Variants in GRID1 observed in about 807,000 individuals in gnomAD.
The protein encoded by GRID1 is glutamate receptor ionotropic, delta-1.
A neutral mutation model predicts 98.0 loss-of-function variants in GRID1; 28 were observed. The observed-to-expected ratio is 0.29, with a 90% CI of 0.21 to 0.39. The LOEUF is 0.39. Among genes scored for constraint, GRID1 ranks in the 10% least tolerant of loss-of-function variants. GRID1 has a pLI of 1.00. For synonymous variants in GRID1, 553 were observed against 538.5 expected, an observed-to-expected ratio of 1.03 and a Z score of -0.37; for missense variants, 1,111 against 1,340.5, an observed-to-expected ratio of 0.83 and a Z score of 2.67.
chr10:86,079,612 G>A (rs778373697), intron 4 of GRID1, among the ~76,000 whole-genome samples: 3 of 152,146 alleles, frequency 2.0e-5, no homozygotes, highest in Admixed American at 6.5e-5. Context: ...ACAGACACCC[G>A]GCTCCAAATC....
intron 8 of GRID1, among the ~76,000 whole-genome samples, chr10:85,789,819 T>C (rs1842462220): frequency 6.6e-6 from 1 of 152,110 alleles, no homozygotes; most frequent in Non-Finnish European, 1.5e-5. Context: ...TGTGGCACTG[T>C]GATCTCATTC....
At chr10:86,048,432 C>T (rs1843454711) in intron 4 of GRID1, among the ~76,000 whole-genome samples, 1 of 152,192 alleles carries the variant, frequency 6.6e-6, no homozygotes, top group South Asian at 2.1e-4. Context: ...ACTCCAATAC[C>T]TGCAATTTAA....
At chr10:86,152,804 C>T (rs934506802) in intron 3 of GRID1, among the ~76,000 whole-genome samples, 7 of 152,224 alleles carry the variant, frequency 4.6e-5, no homozygotes, top group African/African-American at 1.7e-4. Context: ...AGCCCATCCT[C>T]TCCAGTGCGG....
At chr10:86,193,639 C>A (rs1197069967) in intron 3 of GRID1, among the ~76,000 whole-genome samples, 2 of 152,048 alleles carry the variant, frequency 1.3e-5, no homozygotes, top group African/African-American at 4.8e-5. Context: ...ACATACTGCA[C>A]CCTATTCTCT....
intron 4 of GRID1, among the ~76,000 whole-genome samples, chr10:85,984,209 T>C (rs1237728677): frequency 2.0e-5 from 3 of 152,082 alleles, no homozygotes; most frequent in African/African-American, 4.8e-5. Flanking sequence ...AGGCTCCTAA[T>C]AGGTGTCCTG....
At chr10:86,151,112 G>A (rs1317521414) in intron 3 of GRID1, among the ~76,000 whole-genome samples, 1 of 152,124 alleles carries the variant, frequency 6.6e-6, no homozygotes, top group East Asian at 1.9e-4. Flanking sequence ...TCTAGCCTAG[G>A]AAGGTGCTCA....
intron 8 of GRID1, among the ~76,000 whole-genome samples, chr10:85,758,933 T>C (rs1842123138): frequency 1.3e-5 from 2 of 152,198 alleles, no homozygotes; most frequent in South Asian, 2.1e-4. Context: ...GCTTAACCCC[T>C]GTGTGGTTCG....
At chr10:85,826,986 C>T (rs757311741) in intron 8 of GRID1, among the ~76,000 whole-genome samples, 11 of 152,136 alleles carry the variant, frequency 7.2e-5, no homozygotes, top group Non-Finnish European at 1.3e-4. Context: ...ATTCAAAGGA[C>T]AACTTCAAAG....
intron 2 of GRID1, among the ~76,000 whole-genome samples, chr10:86,218,572 G>A (rs192796134): frequency 6.6e-6 from 1 of 152,324 alleles, no homozygotes; most frequent in Non-Finnish European, 1.5e-5. Context: ...ATATAGCGCA[G>A]GGTCTGGAGG....
intron 4 of GRID1, among the ~76,000 whole-genome samples, chr10:85,949,583 T>C (rs1288796240): frequency 6.6e-6 from 1 of 152,170 alleles, no homozygotes. Flanking sequence ...TTATGGATGG[T>C]GCTGCCACAT....
chr10:86,268,878 C>T (rs1477361109), intron 2 of GRID1, among the ~76,000 whole-genome samples: 2 of 152,144 alleles, frequency 1.3e-5, no homozygotes, highest in Non-Finnish European at 2.9e-5. Flanking sequence ...GTAGTCCCAG[C>T]TACTTGGGAG....
At chr10:85,744,266 G>T (rs563328302) in intron 8 of GRID1, among the ~76,000 whole-genome samples, 1 of 152,290 alleles carries the variant, frequency 6.6e-6, no homozygotes, top group South Asian at 2.1e-4. Flanking sequence ...ATCCCTAGGA[G>T]CCTGTTTGGG....
chr10:85,686,318 G>C (rs1447070102), intron 12 of GRID1, among the ~76,000 whole-genome samples: 1 of 152,124 alleles, frequency 6.6e-6, no homozygotes. Flanking sequence ...ATGCATACTT[G>C]AGCCAGTGAT....
chr10:85,771,537 A>T (rs1367555338), intron 8 of GRID1, among the ~76,000 whole-genome samples: 1 of 152,148 alleles, frequency 6.6e-6, no homozygotes, highest in Non-Finnish European at 1.5e-5. Flanking sequence ...CAAATTGGAT[A>T]AAGAGTCAAG....
At chr10:85,844,254 G>T (rs1263188928) in intron 8 of GRID1, among the ~76,000 whole-genome samples, 1 of 151,876 alleles carries the variant, frequency 6.6e-6, no homozygotes, top group Admixed American at 6.6e-5. Context: ...AAATATTATG[G>T]TTATCAGGAG....
At chr10:85,985,259 G>C (rs1387018204) in intron 4 of GRID1, among the ~76,000 whole-genome samples, 1 of 152,148 alleles carries the variant, frequency 6.6e-6, no homozygotes, top group African/African-American at 2.4e-5. Flanking sequence ...TCATTGACTT[G>C]CCCAACGTCA....
intron 2 of GRID1, among the ~76,000 whole-genome samples, chr10:86,342,016 C>A (rs1848317741): frequency 6.6e-6 from 1 of 152,202 alleles, no homozygotes; most frequent in Non-Finnish European, 1.5e-5. Flanking sequence ...AGGTTCTCAT[C>A]TGGGAGCTTT....
intron 8 of GRID1, among the ~76,000 whole-genome samples, chr10:85,772,690 A>C (rs1281484093): frequency 6.6e-6 from 1 of 152,210 alleles, no homozygotes; most frequent in Non-Finnish European, 1.5e-5. Context: ...GAATACTATA[A>C]ACACCTCTAC....
intron 5 of GRID1, among the ~76,000 whole-genome samples, chr10:85,878,863 A>G (rs1302489855): frequency 3.3e-5 from 5 of 152,150 alleles, no homozygotes; most frequent in African/African-American, 1.2e-4. Context: ...AGTGTGCTGT[A>G]TTCAGGAAAC....
Sources: allele counts gnomAD v4.1 joint callset (sites outside exome capture counted in the v4.1 genomes callset), GRCh38; gene constraint gnomAD v4.1.1; transcripts MANE v1.5; gene names NCBI Gene and HGNC (gene_info 2026-07-23, HGNC 2026-07-21).